The following EPHB1 variants were observed in gnomAD, a reference collection of about 807,000 sequenced individuals.
EPHB1 encodes the protein ephrin type-B receptor 1.
EPHB1 carries 30 observed loss-of-function variants against 94.4 expected under a neutral mutation model. The observed-to-expected ratio is 0.32, with a 90% confidence interval of 0.24 to 0.43. The LOEUF (loss-of-function observed/expected upper bound fraction) is 0.43, where lower values mean the gene tolerates loss of function less well. Among genes scored for constraint, EPHB1 ranks in the 20% least tolerant of loss-of-function variants. The probability of loss-of-function intolerance (pLI) is 1.00; values close to 1 mark genes in which losing one functional copy is unlikely to be tolerated. For missense variants in EPHB1, 1,055 were observed against 1,308.3 expected (o/e 0.81, Z 2.99); for synonymous variants, 522 against 489.1 (o/e 1.07, Z -0.89).
At chr3:135,201,776 G>A in intron 12 of EPHB1, 87 bp downstream of exon 12, 11 of 1,289,134 alleles carry the variant, frequency 8.5e-6, no homozygotes, top group Non-Finnish European at 8.7e-6. Flanking sequence ...AGGGCACACT[G>A]GGAGGGAATG....
chr3:134,983,785 CCTTTG>C (rs1461002661), intron 3 of EPHB1, among the ~76,000 whole-genome samples: 1 of 152,194 alleles, frequency 6.6e-6, no homozygotes, highest in Non-Finnish European at 1.5e-5. Context: ...CTCCTTAGAC[CCTTTG>C]CATAGGCAGT....
intron 4 of EPHB1, among the ~76,000 whole-genome samples, chr3:135,113,065 A>G (rs1939526275): frequency 6.6e-6 from 1 of 152,194 alleles, no homozygotes; most frequent in African/African-American, 2.4e-5. Context: ...TTTGAAGGGG[A>G]GGTAGTCTGT....
At chr3:135,137,471 C>T (rs1940662180) in intron 5 of EPHB1, among the ~76,000 whole-genome samples, 1 of 152,100 alleles carries the variant, frequency 6.6e-6, no homozygotes, top group Non-Finnish European at 1.5e-5. Flanking sequence ...TCTGATTAAC[C>T]CAAGTCTTAC....
At chr3:135,075,151 T>C (rs1031899672) in intron 3 of EPHB1, among the ~76,000 whole-genome samples, 7 of 152,174 alleles carry the variant, frequency 4.6e-5, no homozygotes, top group East Asian at 1.9e-4. Context: ...AGCAGGTTGA[T>C]TGGATATCTG....
chr3:135,147,206 C>A (rs931206855), intron 5 of EPHB1, among the ~76,000 whole-genome samples: 24 of 152,098 alleles, frequency 1.6e-4, no homozygotes, highest in African/African-American at 5.8e-4. Flanking sequence ...CTTACCTTAC[C>A]CGTTTTCTTC....
At chr3:135,209,867 GA>G (rs1375114663) in intron 12 of EPHB1, among the ~76,000 whole-genome samples, 1 of 152,180 alleles carries the variant, frequency 6.6e-6, no homozygotes, top group Non-Finnish European at 1.5e-5. Flanking sequence ...GATGCATCAG[GA>G]GGCTACGGGG....
chr3:135,154,131 T>C, intron 5 of EPHB1, 21 bp from the exon 6 acceptor site: 2 of 1,613,764 alleles, frequency 1.2e-6, no homozygotes, highest in Non-Finnish European at 1.7e-6. Flanking sequence ...TCAGCTACCC[T>C]GTTTCTTTCT....
chr3:135,236,800 A>T (rs1943665502), intron 12 of EPHB1, among the ~76,000 whole-genome samples: 1 of 152,212 alleles, frequency 6.6e-6, no homozygotes, highest in Admixed American at 6.5e-5. Context: ...CTCACACAAG[A>T]TGGTGGAGAA....
chr3:134,946,693 A>G (rs775819217), intron 2 of EPHB1, among the ~76,000 whole-genome samples: 1 of 152,130 alleles, frequency 6.6e-6, no homozygotes, highest in Admixed American at 6.5e-5. Context: ...CCTTATGGTA[A>G]TGAGTGAGTC....
chr3:135,196,359 G>C (rs1942616279), intron 11 of EPHB1, among the ~76,000 whole-genome samples: 1 of 152,094 alleles, frequency 6.6e-6, no homozygotes, highest in Non-Finnish European at 1.5e-5. Context: ...ATGTTGATGA[G>C]CTGAGCTTGC....
Position 134,951,660 on chromosome 3 carries a change from A to T in EPHB1, c.413A>T (p.Asp138Val). The change falls in exon 3 of 16, where the codon GAC becomes GTC. Residue 138 changes from aspartate to valine, a missense_variant. Asp to Val is a radical substitution (Grantham distance 152, BLOSUM62 -3). Coordinates refer to ENST00000398015, the MANE Select transcript of EPHB1 (RefSeq NM_004441.5). This position sits in a 1 kb window ranked among gnomAD's most constrained non-coding sequence, Gnocchi z 4.5. The part of the protein sequence containing the change: ...FWSEAPYLKV[D>V]TIAADESFSQ... ...TCTGAGGCCCCCTACCTCAAAGTAGACACCATTGCTGCAGATGAGAGCTTC... is the reference window on the plus strand; with the variant it reads ...TCTGAGGCCCCCTACCTCAAAGTAGTCACCATTGCTGCAGATGAGAGCTTC... The T allele has an allele frequency of 1.2e-6, 2 of 1,614,070 alleles. No homozygotes were observed. Among genetic ancestry groups the T allele is most frequent in the Non-Finnish European group, 1.7e-6 (2 of 1,179,982 alleles).
intron 3 of EPHB1, among the ~76,000 whole-genome samples, chr3:134,994,115 T>C (rs1576301544): frequency 1.3e-5 from 2 of 152,336 alleles, no homozygotes; most frequent in African/African-American, 4.8e-5. Flanking sequence ...ATCTTCTGTT[T>C]ACTTGTCTAT....
intron 6 of EPHB1, among the ~76,000 whole-genome samples, chr3:135,157,769 T>A (rs1941397863): frequency 6.6e-6 from 1 of 152,232 alleles, no homozygotes; most frequent in South Asian, 2.1e-4. Flanking sequence ...CATGAGGGCC[T>A]TTTGAAACAA....
intron 10 of EPHB1, among the ~76,000 whole-genome samples, chr3:135,192,308 A>AAC (rs1942477370): frequency 6.6e-6 from 1 of 152,302 alleles, no homozygotes; most frequent in Admixed American, 6.5e-5. Context: ...GGGAAAAACA[A>AAC]ACTCACATAT....
intron 3 of EPHB1, among the ~76,000 whole-genome samples, chr3:135,095,323 G>A (rs1477560788): frequency 1.3e-5 from 2 of 152,084 alleles, no homozygotes. Flanking sequence ...ATCTAGTAGG[G>A]GCTCAGTGCT....
chr3:135,115,816 A>T (rs1005384156), intron 4 of EPHB1, among the ~76,000 whole-genome samples: 1 of 152,210 alleles, frequency 6.6e-6, no homozygotes, highest in Non-Finnish European at 1.5e-5. Context: ...TGCCTAACTC[A>T]GTGTTAGACA....
chr3:134,805,581 A>G (rs2036027687), intron 1 of EPHB1, among the ~76,000 whole-genome samples: 1 of 152,072 alleles, frequency 6.6e-6, no homozygotes, highest in African/African-American at 2.4e-5. Flanking sequence ...AGCTCCACAC[A>G]GGTACATGTG....
At chr3:134,878,585 T>C (rs2037664120) in intron 1 of EPHB1, among the ~76,000 whole-genome samples, 1 of 152,168 alleles carries the variant, frequency 6.6e-6, no homozygotes, top group African/African-American at 2.4e-5. Context: ...TCCAGGGAGC[T>C]GATGGAAAGG....
intron 12 of EPHB1, among the ~76,000 whole-genome samples, chr3:135,235,568 A>T (rs1326911152): frequency 1.3e-5 from 2 of 152,212 alleles, no homozygotes; most frequent in Non-Finnish European, 1.5e-5. Flanking sequence ...CACTCCGAGA[A>T]ATTCGAATAA....
Sources: allele counts gnomAD v4.1 joint callset (sites outside exome capture counted in the v4.1 genomes callset), GRCh38; gene constraint gnomAD v4.1.1; non-coding constraint Gnocchi (gnomAD v3.1); transcripts MANE v1.5; gene names NCBI Gene and HGNC (gene_info 2026-07-23, HGNC 2026-07-21).